Variants in CALN1 observed in about 807,000 individuals in gnomAD.
The protein encoded by CALN1 is calcium-binding protein 8.
A neutral mutation model predicts 30.6 loss-of-function variants in CALN1; 17 were observed. That is an observed-to-expected ratio of 0.56 (90% CI 0.38 to 0.83). The LOEUF (loss-of-function observed/expected upper bound fraction) is 0.83. CALN1 is among the 40% of genes least tolerant of loss of function. CALN1 has a pLI of 0.00. For synonymous variants in CALN1, 156 were observed against 131.4 expected, an observed-to-expected ratio of 1.19 and a Z score of -1.28; for missense variants, 291 against 354.9, an observed-to-expected ratio of 0.82 and a Z score of 1.45.
chr7:72,225,118 G>C (rs76678857), intron 3 of CALN1, among the ~76,000 whole-genome samples: 16 of 151,346 alleles, frequency 1.1e-4, no homozygotes, highest in Non-Finnish European at 2.2e-4. Flanking sequence ...AAAAAAGCAC[G>C]ATATTCCAGC....
chr7:72,415,954 C>G (rs1021999859), upstream of CALN1, among the ~76,000 whole-genome samples: 2 of 152,210 alleles, frequency 1.3e-5, no homozygotes, highest in Admixed American at 1.3e-4. Context: ...CAAAAACAAA[C>G]AGCCCCAGCC....
chr7:72,278,646 G>A, intron 3 of CALN1, 40 bp downstream of exon 3: 2 of 1,591,350 alleles, frequency 1.3e-6, no homozygotes, highest in South Asian at 1.1e-5. Context: ...ACACCTCCCT[G>A]GGAGGGGGGC....
intron 3 of CALN1, among the ~76,000 whole-genome samples, chr7:72,211,283 C>G (rs1792375893): frequency 6.6e-6 from 1 of 152,150 alleles, no homozygotes; most frequent in South Asian, 2.1e-4. Flanking sequence ...GTTCCTCAAA[C>G]CCATTACTCT....
intron 5 of CALN1, among the ~76,000 whole-genome samples, chr7:72,019,370 T>C (rs1800579453): frequency 6.6e-6 from 1 of 152,164 alleles, no homozygotes; most frequent in African/African-American, 2.4e-5. Flanking sequence ...TGATCCACAA[T>C]GGCTCCTGCC....
chr7:72,458,814 A>G, the CALN1 span, among the ~76,000 whole-genome samples: 2 of 131,420 alleles, frequency 1.5e-5, no homozygotes, highest in Non-Finnish European at 3.1e-5. Context: ...AATATATTGT[A>G]TTTAATATAC....
intron 3 of CALN1, among the ~76,000 whole-genome samples, chr7:72,250,711 G>A (rs1447511984): frequency 3.3e-5 from 5 of 151,868 alleles, no homozygotes; most frequent in African/African-American, 7.3e-5. Flanking sequence ...CTGGCATCTC[G>A]CTTACTCCCC....
At chr7:71,902,269 C>CA (rs78143653) in intron 5 of CALN1, among the ~76,000 whole-genome samples, 3,197 of 65,172 alleles carry the variant, frequency 0.049, 37 homozygotes, top group African/African-American at 0.066. Context: ...ACCAACCAAT[C>CA]AAAAAAAAAA....
At chr7:72,384,304 G>T (rs114961741) in intron 2 of CALN1, among the ~76,000 whole-genome samples, 1 of 152,156 alleles carries the variant, frequency 6.6e-6, no homozygotes, top group East Asian at 1.9e-4. Flanking sequence ...TACTCCTGGG[G>T]GATTAGAGGA....
intron 5 of CALN1, among the ~76,000 whole-genome samples, chr7:71,908,012 T>C (rs534828761): frequency 3.9e-5 from 6 of 152,240 alleles, no homozygotes; most frequent in Non-Finnish European, 8.8e-5. Flanking sequence ...ATGTTTCCTA[T>C]ACCAGATTAT....
intron 3 of CALN1, among the ~76,000 whole-genome samples, chr7:72,269,229 T>G (rs1179429180): frequency 1.3e-5 from 2 of 152,122 alleles, no homozygotes; most frequent in Non-Finnish European, 2.9e-5. Flanking sequence ...TTATTATACT[T>G]TAAGTTTTAG....
At position 72,092,429 on chromosome 7, in the gene CALN1, A is replaced by C. The variant is rs532035502; in HGVS notation, c.388+13722T>G. 1.3e-4 allele frequency among the ~76,000 whole-genome samples: 19 copies of C among 151,022 alleles called. No individual in the cohort carries two copies. In the South Asian group the frequency reaches 2.1e-3, roughly 17 times the overall value. ...CTCTTTTTAAGGGTACAAAATTTAT[A>C]ACACACACACACACCCACACACACA... On this transcript the variant is annotated intron_variant, in intron 4 of 6. Transcript: ENST00000395275.
chr7:72,192,934 T>A (rs1353254912), intron 3 of CALN1, among the ~76,000 whole-genome samples: 6 of 151,318 alleles, frequency 4.0e-5, no homozygotes, highest in African/African-American at 7.3e-5. Context: ...ACGCCTGTAA[T>A]CCCAGCACTC....
Position 72,445,057 on chromosome 7 carries a change from A to AACACACAC in CALN1, c.-226+1977_-226+1984dup, listed in dbSNP as rs4029789. 2.5e-3 allele frequency among the ~76,000 whole-genome samples: 346 copies of AACACACAC among 138,924 alleles called. 2 individuals are homozygous for AACACACAC. In the East Asian group the frequency reaches 0.025, roughly 10 times the overall value. The allele number at this position is 138,924 out of a possible 152,430, so 91.1% of individuals were successfully genotyped here. On this transcript the variant is annotated intron_variant, in intron 1 of 6. Transcript: ENST00000395276. Reference sequence around the variant, plus strand: ...AAAGCCAGCAGCCATCAGTGAATTAAACACACACACACACACACACACACA... The same window carrying AACACACAC: ...AAAGCCAGCAGCCATCAGTGAATTAAACACACACACACACACACACACACACACACACA...
At chr7:72,501,946 T>C in the CALN1 span, among the ~76,000 whole-genome samples, 26 of 52,438 alleles carry the variant, frequency 5.0e-4, 6 homozygotes, top group African/African-American at 2.0e-3. Context: ...TATATATATA[T>C]ATACACACAT....
At chr7:72,501,636 C>A in the CALN1 span, among the ~76,000 whole-genome samples, 2 of 150,054 alleles carry the variant, frequency 1.3e-5, no homozygotes, top group East Asian at 2.0e-4. Flanking sequence ...CTTGGCTGGG[C>A]GCAGTGGCTC....
Position 71,787,441 on chromosome 7 carries a change from C to A in CALN1, c.*334G>T. On this transcript the variant is annotated 3_prime_UTR_variant, in exon 7 of 7. Coordinates refer to ENST00000395275, the MANE Select transcript of CALN1 (RefSeq NM_031468.4). Reference sequence around the variant, plus strand: ...CTCTCTTGCTCTCTCACCATTATACCTGGATGGCTGCTGGAATTCCGAGAT... The same window carrying A: ...CTCTCTTGCTCTCTCACCATTATACATGGATGGCTGCTGGAATTCCGAGAT... 1 of 261,542 alleles carries A rather than the reference C, an allele frequency of 3.8e-6. No individual in the cohort carries two copies. The highest frequency in any genetic ancestry group is 8.1e-5 in the East Asian group (1 of 12,396). The allele number at this position is 261,542 out of a possible 1,614,324, so 16.2% of individuals were successfully genotyped here. A position where few individuals can be genotyped will look rare whatever the true frequency, so the allele number is the denominator to read the frequency against.
At chr7:71,795,638 G>A (rs986906101) in intron 6 of CALN1, among the ~76,000 whole-genome samples, 2 of 151,968 alleles carry the variant, frequency 1.3e-5, no homozygotes, top group East Asian at 1.9e-4. Context: ...TGCTCATTCC[G>A]CTCGCTCTGC....
At chr7:72,431,713 G>A (rs747325592) in intron 1 of CALN1, among the ~76,000 whole-genome samples, 19 of 152,190 alleles carry the variant, frequency 1.2e-4, no homozygotes, top group African/African-American at 3.9e-4. Context: ...GTGGTCATGC[G>A]TGCCTGTAGT....
intron 6 of CALN1, among the ~76,000 whole-genome samples, chr7:71,800,120 C>T (rs892253079): frequency 2.0e-5 from 3 of 152,338 alleles, no homozygotes; most frequent in Middle Eastern, 3.4e-3. Context: ...CCGACAGGAA[C>T]GCTGTGACTT....
Sources: allele counts gnomAD v4.1 joint callset (sites outside exome capture counted in the v4.1 genomes callset), GRCh38; gene constraint gnomAD v4.1.1; transcripts MANE v1.5; gene names NCBI Gene and HGNC (gene_info 2026-07-23, HGNC 2026-07-21).